The following SELE variants were observed in gnomAD, a reference collection of about 807,000 sequenced individuals.
SELE encodes the protein selectin E.
SELE carries 52 observed loss-of-function variants against 75.8 expected under a neutral mutation model. The observed-to-expected ratio is 0.69, with a 90% CI of 0.55 to 0.86. The LOEUF (loss-of-function observed/expected upper bound fraction) is 0.86. SELE is among the 40% of genes least tolerant of loss of function. The pLI, the probability that SELE is intolerant of heterozygous loss-of-function variation, is 0.00. For missense variants in SELE, 754 were observed against 732.7 expected, an observed-to-expected ratio of 1.03 and a Z score of -0.34; for synonymous variants, 285 against 258.7, an observed-to-expected ratio of 1.10 and a Z score of -0.98.
At position 169,731,861 on chromosome 1, in the gene SELE, C is replaced by A. The variant is rs757480828; in HGVS notation, c.503G>T (p.Gly168Val). The change falls in exon 4 of 14, where the codon GGC becomes GTC. Residue 168 changes from glycine (G) to valine (V), a missense_variant. Physicochemically the swap from Gly to Val is moderately radical, Grantham distance 109. Transcript: ENST00000333360. Reference protein sequence around the residue: ...INNYTCKCDPGFSGLKCEQIV... With the variant: ...INNYTCKCDPVFSGLKCEQIV... The stretch of plus-strand genomic sequence containing the variant: ...TTGCTCACACTTGAGTCCACTGAAG[C>A]CAGGGTCACACTTGCAAGTGTAATT... The A allele has an allele frequency of 1.2e-6, 2 of 1,613,480 alleles. No homozygotes were observed. Among genetic ancestry groups the A allele is most frequent in the Non-Finnish European group, 1.7e-6 (2 of 1,179,606 alleles).
chr1:169,729,023 C>G (rs1404449065), intron 7 of SELE, among the ~76,000 whole-genome samples, 163 bp downstream of exon 7: 1 of 151,944 alleles, frequency 6.6e-6, no homozygotes, highest in Non-Finnish European at 1.5e-5. Flanking sequence ...TGATCCTTTC[C>G]CTGGCCAAAC....
At position 169,732,991 on chromosome 1, in the gene SELE, G is replaced by A. The variant is rs984336119; in HGVS notation, c.45C>T (p.Leu15=). The change falls in exon 3 of 14, where the codon CTC becomes CTT. Residue 15 remains leucine, a synonymous_variant. Transcript: ENST00000333360. The part of the protein sequence containing the change: ...QFLSALTLVL[L]IKESGAWSYN... Reference sequence around the variant, plus strand: ...AAGACCAGGCTCCACTCTCTTTAATGAGAAGCACTAGTGGGAGAAAAAGAA... The same window carrying A: ...AAGACCAGGCTCCACTCTCTTTAATAAGAAGCACTAGTGGGAGAAAAAGAA... 1.8e-5 allele frequency: 28 copies of A among 1,582,950 alleles called. No homozygotes were observed. Among genetic ancestry groups the A allele is most frequent in the Non-Finnish European group, 2.4e-5 (28 of 1,169,264 alleles).
chr1:169,729,055 T>C (rs933219218), intron 7 of SELE, 131 bp downstream of exon 7: 20 of 749,150 alleles, frequency 2.7e-5, no homozygotes. Context: ...TAAATGAATC[T>C]CAAAGATACG....
chr1:169,726,597 T>C, intron 11 of SELE, 102 bp downstream of exon 11: 1 of 827,978 alleles, frequency 1.2e-6, no homozygotes, highest in Admixed American at 2.2e-5. Flanking sequence ...TTTATCCAGA[T>C]TCTAATTATT....
chr1:169,726,590 A>G (rs972551095), intron 11 of SELE, 109 bp downstream of exon 11: 2 of 795,738 alleles, frequency 2.5e-6, no homozygotes, highest in South Asian at 3.0e-5. Flanking sequence ...ACTGCATTTT[A>G]TCCAGATTCT....
intron 5 of SELE, 77 bp from the exon 6 acceptor site, chr1:169,729,750 G>A: frequency 1.4e-6 from 2 of 1,403,764 alleles, no homozygotes; most frequent in Non-Finnish European, 2.0e-6. Flanking sequence ...GTGCCTAACA[G>A]AGTGAGGAAG....
At chr1:169,725,653 T>A in intron 13 of SELE, 76 bp downstream of exon 13, 1 of 1,242,276 alleles carries the variant, frequency 8.0e-7, no homozygotes, top group East Asian at 2.3e-5. Context: ...ATTGGCAAGT[T>A]TGGAGGGTTC....
Position 169,729,313 on chromosome 1 carries a change from A to T in SELE, c.963T>A (p.Pro321=). ...ATGATTTGAAGGTGAACTCTCCAGC[A>T]GGGGAATGGCTGCACCTCACAGAGC... The part of the protein sequence containing the change: ...QNGSVRCSHS[P]AGEFTFKSSC... The change falls in exon 7 of 14, where the codon CCT becomes CCA. Residue 321 remains proline (P), a synonymous_variant. Transcript: ENST00000333360. The T allele has an allele frequency of 6.2e-7, 1 of 1,614,170 alleles. No homozygotes were observed. Among genetic ancestry groups the T allele is most frequent in the Non-Finnish European group, 8.5e-7 (1 of 1,180,016 alleles).
chr1:169,724,773 G>A (rs1404295520), intron 13 of SELE, among the ~76,000 whole-genome samples: 2 of 152,188 alleles, frequency 1.3e-5, no homozygotes, highest in African/African-American at 4.8e-5. Flanking sequence ...CCCATCAGTT[G>A]TAACACTAAT....
Position 169,729,505 on chromosome 1 carries a change from T to A in SELE, c.884A>T (p.Glu295Val). 6.2e-7 allele frequency: 1 copy of A among 1,614,184 alleles called. No homozygotes were observed. Among genetic ancestry groups the A allele is most frequent in the Non-Finnish European group, 8.5e-7 (1 of 1,179,994 alleles). ...QCTSSGNWDN[E>V]KPTCKAVTCR... ...AACTCTACCTTTACACGTTGGCTTC[T>A]CGTTGTCCCAATTCCCAGATGAGGT... The change falls in exon 6 of 14, where the codon GAG (glutamate) becomes GTG (valine). Residue 295 changes from glutamate to valine, a missense_variant. Coordinates refer to ENST00000333360, the MANE Select transcript of SELE (RefSeq NM_000450.2).
chr1:169,733,484 G>T, intron 2 of SELE, 92 bp downstream of exon 2: 1 of 1,276,778 alleles, frequency 7.8e-7, no homozygotes, highest in Non-Finnish European at 1.1e-6. Flanking sequence ...CAGATATCCT[G>T]TGCAGGACAG....
intron 4 of SELE, chr1:169,731,596 T>G: frequency 2.4e-6 from 1 of 417,102 alleles, no homozygotes. Context: ...TATCCTCATT[T>G]TACAATGAGA....
Position 169,732,756 on chromosome 1 carries a change from C to A in SELE, c.280G>T (p.Ala94Ser). Residue 94 changes from alanine (A) to serine (S), a missense_variant, in exon 3 of 14, where the codon GCC becomes TCC. Ala to Ser is a moderately conservative substitution (Grantham distance 99, BLOSUM62 1). Coordinates refer to ENST00000333360, the MANE Select transcript of SELE (RefSeq NM_000450.2). ...GGTTCACCTGGAGCCCAGTTCTTGG[C>A]TTCTTCTGTCAGAGGTTTCTGGGTT... is the stretch of plus-strand genomic sequence containing the variant. ...VGTQKPLTEE[A>S]KNWAPGEPNN... 3 of 1,614,128 alleles carry A rather than the reference C, an allele frequency of 1.9e-6. No homozygotes were observed. Among genetic ancestry groups the A allele is most frequent in the Non-Finnish European group, 2.5e-6 (3 of 1,180,002 alleles).
chr1:169,733,966 C>G lies in SELE; in HGVS notation c.-49+5G>C. On this transcript the variant is annotated splice_donor_5th_base_variant and intron_variant, in intron 1 of 13. Coordinates refer to ENST00000333360, the MANE Select transcript of SELE (RefSeq NM_000450.2). ...GGCTGCCCTTATAAAGCGTTCTGCACTTACCGTTTTGGGAAGCAGTTGTTC... is the reference window on the plus strand; with the variant it reads ...GGCTGCCCTTATAAAGCGTTCTGCAGTTACCGTTTTGGGAAGCAGTTGTTC... 4.0e-6 allele frequency: 1 copy of G among 251,544 alleles called. No individual in the cohort carries two copies. Among genetic ancestry groups the G allele is most frequent in the Non-Finnish European group, 7.7e-6 (1 of 129,568 alleles). 15.6% of individuals were successfully genotyped at this position (251,544 alleles called of 1,614,324 possible).
chr1:169,723,661 A>G lies in SELE; in HGVS notation c.*864T>C, dbSNP rs910066716. ...CACTCAGAACTTTATTCTGGTTAAC[A>G]TCATGCCTTGCTAGGGGACAATAGT... On this transcript the variant is annotated 3_prime_UTR_variant, in exon 14 of 14. Coordinates refer to ENST00000333360, the MANE Select transcript of SELE (RefSeq NM_000450.2). 6.6e-6 allele frequency: 1 copy of G among 152,242 alleles called. No homozygotes were observed. Among genetic ancestry groups the G allele is most frequent in the African/African-American group, 2.4e-5 (1 of 41,464 alleles). 9.4% of individuals were successfully genotyped at this position (152,242 alleles called of 1,614,324 possible).
chr1:169,731,077 T>G (rs1648899581), intron 4 of SELE, among the ~76,000 whole-genome samples: 1 of 152,208 alleles, frequency 6.6e-6, no homozygotes, highest in Admixed American at 6.5e-5. Flanking sequence ...AATGCTGCAC[T>G]GTCTACTATA....
intron 10 of SELE, among the ~76,000 whole-genome samples, 197 bp from the exon 11 acceptor site, chr1:169,727,003 T>C (rs145751375): frequency 2.0e-5 from 3 of 152,152 alleles, no homozygotes; most frequent in African/African-American, 7.2e-5. Flanking sequence ...ATTTCCACCA[T>C]TGGCAGGCAG....
Position 169,727,356 on chromosome 1 carries a change from G to A in SELE, c.1638C>T (p.Thr546=). 2 of 1,611,010 alleles carry A rather than the reference G, an allele frequency of 1.2e-6. No homozygotes were observed. Among genetic ancestry groups the A allele is most frequent in the Non-Finnish European group, 1.7e-6 (2 of 1,178,760 alleles). ...CATCAATCAATGCATCACCTTCACA[G>A]GTAGGTAGCAGGCCAGACCAGTGTC... ...ATGHWSGLLP[T]CEAPTESNIP... The change falls in exon 10 of 14, where the codon ACC becomes ACT. Residue 546 remains threonine (T), a synonymous_variant. Coordinates refer to ENST00000333360, the MANE Select transcript of SELE (RefSeq NM_000450.2).
intron 11 of SELE, among the ~76,000 whole-genome samples, 169 bp from the exon 12 acceptor site, chr1:169,726,097 G>A (rs1303047090): frequency 6.6e-6 from 1 of 152,172 alleles, no homozygotes; most frequent in Non-Finnish European, 1.5e-5. Flanking sequence ...AGGGTAAAAT[G>A]CAAAGTGCAC....
Sources: gnomAD v4.1 joint callset for allele counts (sites outside exome capture counted in the v4.1 genomes callset) on GRCh38, gnomAD v4.1.1 for gene constraint, MANE v1.5 for transcripts, NCBI Gene and HGNC (gene_info 2026-07-23, HGNC 2026-07-21) for gene names.